The following C9orf153 variants were observed in gnomAD, a reference collection of about 807,000 sequenced individuals.
The protein encoded by C9orf153 is uncharacterized protein C9orf153.
In C9orf153, 10 loss-of-function variants were observed where a neutral mutation model predicts 9.0. That is an observed-to-expected ratio of 1.11 (90% CI 0.69 to 1.89). The LOEUF is 1.89. C9orf153 is among the 40% of genes most tolerant of loss of function. The probability of loss-of-function intolerance (pLI) is 0.00; values close to 1 mark genes in which losing one functional copy is unlikely to be tolerated. For missense variants in C9orf153, 108 were observed against 111.0 expected, an observed-to-expected ratio of 0.97 and a Z score of 0.12; for synonymous variants, 35 against 37.3, an observed-to-expected ratio of 0.94 and a Z score of 0.23.
At chr9:86,247,651 G>C (rs1369383509) in intron 1 of C9orf153, among the ~76,000 whole-genome samples, 2 of 152,114 alleles carry the variant, frequency 1.3e-5, no homozygotes, top group African/African-American at 2.4e-5. Context: ...CTCCACACCA[G>C]CCTGGACAAC....
At chr9:86,237,789 G>A (rs115411135) in intron 1 of C9orf153, among the ~76,000 whole-genome samples, 21 of 152,130 alleles carry the variant, frequency 1.4e-4, no homozygotes, top group Admixed American at 5.2e-4. Flanking sequence ...GTGTCAAAAC[G>A]TGAGGCAAGC....
chr9:86,255,182 A>G (rs1314238536), intron 1 of C9orf153, among the ~76,000 whole-genome samples: 1 of 136,862 alleles, frequency 7.3e-6, no homozygotes, highest in Admixed American at 7.3e-5. Context: ...GCCTATCTCT[A>G]TCTAACAACT....
chr9:86,251,946 A>ACACACACACACACAC (rs1825005674), intron 1 of C9orf153, among the ~76,000 whole-genome samples: 1 of 67,466 alleles, frequency 1.5e-5, no homozygotes, highest in Non-Finnish European at 2.6e-5. Flanking sequence ...CACACACGAG[A>ACACACACACACACAC]GAGAGAGAGG....
At chr9:86,240,504 G>A (rs926683398) in intron 1 of C9orf153, among the ~76,000 whole-genome samples, 3 of 149,572 alleles carry the variant, frequency 2.0e-5, no homozygotes, top group Admixed American at 1.3e-4. Flanking sequence ...CAGCCTCTCA[G>A]GTAGCTGGGA....
At chr9:86,226,696 T>C (rs114836157) in intron 3 of C9orf153, among the ~76,000 whole-genome samples, 516 of 152,278 alleles carry the variant, frequency 3.4e-3, no homozygotes, top group African/African-American at 0.011. Context: ...GATGGAGACT[T>C]AAAGTGTAAG....
intron 1 of C9orf153, among the ~76,000 whole-genome samples, chr9:86,251,561 A>G (rs1325539345): frequency 6.6e-6 from 1 of 152,156 alleles, no homozygotes; most frequent in South Asian, 2.1e-4. Context: ...AAAAAATTAT[A>G]CAACATCATG....
intron 1 of C9orf153, among the ~76,000 whole-genome samples, chr9:86,259,217 T>C (rs1422260704): frequency 6.6e-6 from 1 of 151,852 alleles, no homozygotes; most frequent in Non-Finnish European, 1.5e-5. Flanking sequence ...GGACCAAGCA[T>C]CCATGGGAAC....
chr9:86,238,916 A>G (rs2131189858), intron 1 of C9orf153, among the ~76,000 whole-genome samples: 1 of 152,104 alleles, frequency 6.6e-6, no homozygotes, highest in Middle Eastern at 3.4e-3. Context: ...ATACTAAACA[A>G]AAACAAATTA....
intron 1 of C9orf153, among the ~76,000 whole-genome samples, chr9:86,257,684 G>T (rs1825152580): frequency 6.6e-6 from 1 of 152,186 alleles, no homozygotes; most frequent in African/African-American, 2.4e-5. Flanking sequence ...GTCAGAGGGT[G>T]AATTGACAAC....
intron 1 of C9orf153, among the ~76,000 whole-genome samples, chr9:86,254,871 C>G (rs751139688): frequency 1.3e-5 from 2 of 152,178 alleles, no homozygotes; most frequent in East Asian, 3.9e-4. Flanking sequence ...AGCCAGCCAG[C>G]CTGGCAAACA....
chr9:86,227,525 C>T (rs1379527272), intron 3 of C9orf153: 1 of 1,364,206 alleles, frequency 7.3e-7, no homozygotes, highest in Non-Finnish European at 9.4e-7. Context: ...TCCCACATGG[C>T]CTCATCTGTT....
At chr9:86,235,615 C>T (rs962083885) in intron 1 of C9orf153, among the ~76,000 whole-genome samples, 4 of 151,110 alleles carry the variant, frequency 2.6e-5, no homozygotes, top group African/African-American at 7.3e-5. Flanking sequence ...ATTAGCCAGG[C>T]GTGGAGGCAT....
intron 1 of C9orf153, among the ~76,000 whole-genome samples, chr9:86,236,563 A>AG (rs1212133076): frequency 5.9e-5 from 9 of 151,428 alleles, no homozygotes; most frequent in South Asian, 2.1e-4. Flanking sequence ...AAAAAAAAAA[A>AG]AAAAGAAAAG....
intron 1 of C9orf153, among the ~76,000 whole-genome samples, chr9:86,242,540 A>T (rs1162565047): frequency 6.6e-6 from 1 of 152,224 alleles, no homozygotes. Flanking sequence ...CTGAATATGT[A>T]CTAACAGTAA....
intron 1 of C9orf153, among the ~76,000 whole-genome samples, chr9:86,245,040 C>A (rs2131198166): frequency 6.6e-6 from 1 of 152,288 alleles, no homozygotes; most frequent in South Asian, 2.1e-4. Context: ...GATTTTCCTG[C>A]CTCAGTCTGC....
At position 86,258,059 on chromosome 9, in the gene C9orf153, G is replaced by T. The variant is rs538868360; in HGVS notation, c.-27+1491C>A. 1.4e-4 allele frequency among the ~76,000 whole-genome samples: 21 copies of T among 152,206 alleles called. No individual in the cohort carries two copies. In the South Asian group the frequency reaches 4.2e-3, roughly 30 times the overall value. On this transcript the variant is annotated intron_variant, in intron 1 of 3. Coordinates refer to ENST00000339137, the MANE Select transcript of C9orf153 (RefSeq NM_001276366.4). ...GACAACCTTTATTACTAAAATTTTTGTAGGACGGGTGCGGTGGCTCACGCC... is the reference window on the plus strand; with the variant it reads ...GACAACCTTTATTACTAAAATTTTTTTAGGACGGGTGCGGTGGCTCACGCC...
intron 3 of C9orf153, among the ~76,000 whole-genome samples, chr9:86,222,473 T>C (rs985154827): frequency 2.6e-5 from 4 of 152,114 alleles, no homozygotes; most frequent in African/African-American, 9.7e-5. Flanking sequence ...AAGATGCTAA[T>C]GTAAGCCCTA....
intron 1 of C9orf153, among the ~76,000 whole-genome samples, chr9:86,259,295 G>T (rs758737816): frequency 1.3e-5 from 2 of 152,170 alleles, no homozygotes. Flanking sequence ...AGGCCGGAAA[G>T]GATGAGGGAG....
intron 1 of C9orf153, among the ~76,000 whole-genome samples, chr9:86,232,201 C>G (rs891504364): frequency 1.3e-5 from 2 of 152,232 alleles, no homozygotes; most frequent in Non-Finnish European, 2.9e-5. Flanking sequence ...TAGATTCTTG[C>G]TCATTCTCTT....
Sources: gnomAD v4.1 joint callset for allele counts (sites outside exome capture counted in the v4.1 genomes callset) on GRCh38, gnomAD v4.1.1 for gene constraint, MANE v1.5 for transcripts, NCBI Gene and HGNC (gene_info 2026-07-23, HGNC 2026-07-21) for gene names.